DARS1: variants seen among roughly 807,000 people sequenced by gnomAD.
The protein encoded by DARS1 is aspartate--tRNA ligase, cytoplasmic.
DARS1 carries 51 observed loss-of-function variants against 68.8 expected under a neutral mutation model. That is an observed-to-expected ratio of 0.74 (90% CI 0.59 to 0.94). The LOEUF is 0.94. Among genes scored for constraint, DARS1 ranks in the 40% least tolerant of loss-of-function variants. The probability of loss-of-function intolerance (pLI) is 0.00; values close to 1 mark genes in which losing one functional copy is unlikely to be tolerated. For missense variants in DARS1, 607 were observed against 597.3 expected, an observed-to-expected ratio of 1.02 and a Z score of -0.17; for synonymous variants, 203 against 190.4, an observed-to-expected ratio of 1.07 and a Z score of -0.55.
At chr2:135,949,266 T>C (rs1453070649) in intron 4 of DARS1, among the ~76,000 whole-genome samples, 2 of 152,208 alleles carry the variant, frequency 1.3e-5, no homozygotes, top group Non-Finnish European at 1.5e-5. Context: ...ACTGTAACTT[T>C]AAACTTTAAA....
At chr2:135,917,191 T>C (rs1437407394) in intron 10 of DARS1, among the ~76,000 whole-genome samples, 1 of 152,194 alleles carries the variant, frequency 6.6e-6, no homozygotes, top group South Asian at 2.1e-4. Flanking sequence ...AAAAAATGTC[T>C]ATTTTTGCTG....
At chr2:135,923,956 C>T (rs761540615) in intron 8 of DARS1, among the ~76,000 whole-genome samples, 1 of 152,098 alleles carries the variant, frequency 6.6e-6, no homozygotes, top group African/African-American at 2.4e-5. Context: ...GGTGGAGGTT[C>T]GGTGAGCCGA....
At chr2:135,925,056 T>C (rs1681184406) in intron 7 of DARS1, among the ~76,000 whole-genome samples, 1 of 152,112 alleles carries the variant, frequency 6.6e-6, no homozygotes, top group African/African-American at 2.4e-5. Flanking sequence ...ATGTGGTACA[T>C]AAAACAATAG....
chr2:135,961,308 T>C (rs1197992706), intron 4 of DARS1, 88 bp downstream of exon 4: 1 of 744,274 alleles, frequency 1.3e-6, no homozygotes, highest in African/African-American at 1.7e-5. Flanking sequence ...GAAGCATTGA[T>C]GTTAATGTAT....
intron 4 of DARS1, among the ~76,000 whole-genome samples, chr2:135,959,391 CAAAAAAAAAAAAAAAAAAAAAAAAA>C (rs66527494): frequency 2.7e-4 from 4 of 15,008 alleles, no homozygotes; most frequent in African/African-American, 8.8e-4. Flanking sequence ...AACTCCGTCT[CAAAAAAAAAAAAAAAAAAAAAAAAA>C]AAAAAAAAAA....
intron 3 of DARS1, among the ~76,000 whole-genome samples, chr2:135,965,235 G>C (rs1333473184): frequency 6.6e-6 from 1 of 152,064 alleles, no homozygotes; most frequent in African/African-American, 2.4e-5. Context: ...CTAAGTTTAA[G>C]AATGAAAGAA....
At chr2:135,958,313 T>C (rs1248350161) in intron 4 of DARS1, among the ~76,000 whole-genome samples, 2 of 152,248 alleles carry the variant, frequency 1.3e-5, no homozygotes, top group Non-Finnish European at 2.9e-5. Context: ...ATACTACTAG[T>C]GATCTGCTGC....
At chr2:135,963,296 G>T (rs1682140314) in intron 3 of DARS1, among the ~76,000 whole-genome samples, 1 of 151,950 alleles carries the variant, frequency 6.6e-6, no homozygotes, top group South Asian at 2.1e-4. Context: ...GAGTCATGAG[G>T]TTTTCTTTCA....
intron 4 of DARS1, among the ~76,000 whole-genome samples, chr2:135,946,248 A>G (rs1189934860): frequency 2.6e-5 from 4 of 152,162 alleles, no homozygotes; most frequent in African/African-American, 9.7e-5. Flanking sequence ...TGAAGATGGC[A>G]TAATATCTAC....
intron 3 of DARS1, among the ~76,000 whole-genome samples, chr2:135,972,939 G>T (rs1397159425): frequency 6.6e-6 from 1 of 152,240 alleles, no homozygotes. Flanking sequence ...TGGTGAGGAT[G>T]TGGAGGAAGG....
intron 7 of DARS1, among the ~76,000 whole-genome samples, chr2:135,928,511 ATTT>A (rs561279545): frequency 1.3e-5 from 2 of 149,484 alleles, no homozygotes; most frequent in Non-Finnish European, 1.5e-5. Context: ...AGCCTGGCTA[ATTT>A]TTTTTGTATT....
chr2:135,929,615 T>C (rs1466215315), intron 7 of DARS1, among the ~76,000 whole-genome samples: 1 of 152,200 alleles, frequency 6.6e-6, no homozygotes, highest in African/African-American at 2.4e-5. Context: ...TGAAATGTCA[T>C]GTAAGTTTCA....
At chr2:135,939,789 G>T in intron 5 of DARS1, among the ~76,000 whole-genome samples, 1 of 151,458 alleles carries the variant, frequency 6.6e-6, no homozygotes, top group Non-Finnish European at 1.5e-5. Context: ...AAAGAGAGAA[G>T]AATCAAATAG....
rs1229389822 is a variant in DARS1 at position 135,907,305 on chromosome 2, A to G, written c.*11T>C. On this transcript the variant is annotated 3_prime_UTR_variant, in exon 16 of 16. Coordinates refer to ENST00000264161, the MANE Select transcript of DARS1 (RefSeq NM_001349.4). ...GTCATCCACACTGGAGTTAAGTGGC[A>G]AAGTGTGAATTTAAGGAGTGAGTCG... 1.3e-6 allele frequency: 2 copies of G among 1,535,310 alleles called. No homozygotes were observed. Among genetic ancestry groups the G allele is most frequent in the African/African-American group, 2.9e-5 (2 of 68,908 alleles).
At chr2:135,954,033 A>C (rs1681906160) in intron 4 of DARS1, among the ~76,000 whole-genome samples, 1 of 151,734 alleles carries the variant, frequency 6.6e-6, no homozygotes, top group Non-Finnish European at 1.5e-5. Flanking sequence ...CTGGGATTAC[A>C]GGCATGAGTC....
intron 3 of DARS1, among the ~76,000 whole-genome samples, chr2:135,978,817 T>G (rs989991036): frequency 2.0e-5 from 3 of 152,230 alleles, no homozygotes; most frequent in African/African-American, 7.2e-5. Context: ...AATAGCTGCA[T>G]GTGGTCAGTG....
At chr2:135,923,377 C>T (rs1657457556) in intron 8 of DARS1, among the ~76,000 whole-genome samples, 1 of 152,088 alleles carries the variant, frequency 6.6e-6, no homozygotes, top group Non-Finnish European at 1.5e-5. Context: ...GCAACCTCCG[C>T]CTCCCAGGTT....
intron 5 of DARS1, among the ~76,000 whole-genome samples, chr2:135,942,828 G>A (rs1328310213): frequency 6.6e-6 from 1 of 152,134 alleles, no homozygotes; most frequent in Non-Finnish European, 1.5e-5. Flanking sequence ...AAAAATGGCT[G>A]CAATACTTCC....
intron 3 of DARS1, among the ~76,000 whole-genome samples, chr2:135,975,018 A>T (rs1304177423): frequency 6.6e-6 from 1 of 152,226 alleles, no homozygotes; most frequent in Non-Finnish European, 1.5e-5. Context: ...AAAAAAATAT[A>T]GCCATACTAT....
Sources: allele counts gnomAD v4.1 joint callset (sites outside exome capture counted in the v4.1 genomes callset), GRCh38; gene constraint gnomAD v4.1.1; transcripts MANE v1.5; gene names NCBI Gene and HGNC (gene_info 2026-07-23, HGNC 2026-07-21).